The following WWOX variants were observed in gnomAD, a reference collection of about 807,000 sequenced individuals.
WWOX encodes the protein WW domain containing oxidoreductase.
A neutral mutation model predicts 46.2 loss-of-function variants in WWOX; 69 were observed. The observed-to-expected ratio is 1.49, with a 90% CI of 1.23 to 1.82. The LOEUF (loss-of-function observed/expected upper bound fraction) is 1.82, where lower values mean the gene tolerates loss of function less well. WWOX is among the 40% of genes most tolerant of loss of function. The pLI is 0.00. For synonymous variants in WWOX, 359 were observed against 202.6 expected (o/e 1.77, Z -6.56); for missense variants, 919 against 542.6 (o/e 1.69, Z -6.89).
intron 8 of WWOX, among the ~76,000 whole-genome samples, chr16:79,137,415 T>C (rs182503693): frequency 1.6e-3 from 241 of 152,302 alleles, no homozygotes; most frequent in African/African-American, 5.6e-3. Flanking sequence ...AACTTGGAGA[T>C]GTAAGCATTT....
At chr16:78,188,530 G>A (rs1037367623) in intron 5 of WWOX, among the ~76,000 whole-genome samples, 2 of 151,760 alleles carry the variant, frequency 1.3e-5, no homozygotes, top group Non-Finnish European at 2.9e-5. Flanking sequence ...CCTCAGTTGG[G>A]AAAAAATAAA....
At chr16:78,625,979 G>A (rs951847452) in intron 8 of WWOX, among the ~76,000 whole-genome samples, 4 of 150,898 alleles carry the variant, frequency 2.7e-5, no homozygotes, top group African/African-American at 9.7e-5. Context: ...AAAAGTAATG[G>A]CACCAACCTA....
chr16:78,976,834 A>T (rs139136660), intron 8 of WWOX, among the ~76,000 whole-genome samples: 1 of 152,222 alleles, frequency 6.6e-6, no homozygotes, highest in Admixed American at 6.5e-5. Flanking sequence ...TGCCTGGTTC[A>T]GTTGCAAACA....
At chr16:78,772,699 C>T (rs1490271985) in intron 8 of WWOX, among the ~76,000 whole-genome samples, 1 of 152,126 alleles carries the variant, frequency 6.6e-6, no homozygotes, top group Non-Finnish European at 1.5e-5. Context: ...GCTCATTCCA[C>T]AGGAGGGGAA....
Position 78,578,440 on chromosome 16 carries a change from C to T in WWOX, c.1056+145688C>T, listed in dbSNP as rs370278243. On this transcript the variant is annotated intron_variant, in intron 8 of 8. Transcript: ENST00000566780. ...GAGTAGCTGGCACTATAGGCGCCCA[C>T]CACCATGCCTGGCTAATTTTATGTA... 6.4e-4 allele frequency among the ~76,000 whole-genome samples: 96 copies of T among 150,748 alleles called. No homozygotes were observed. The South Asian group carries it at 9.5e-3, about 15-fold the overall frequency.
chr16:78,656,649 C>T (rs1004239265), intron 8 of WWOX, among the ~76,000 whole-genome samples: 1 of 152,162 alleles, frequency 6.6e-6, no homozygotes, highest in Non-Finnish European at 1.5e-5. Flanking sequence ...CCGGGCCCCT[C>T]CTCCAACATT....
At chr16:78,180,609 G>C (rs2035501367) in intron 5 of WWOX, among the ~76,000 whole-genome samples, 1 of 151,850 alleles carries the variant, frequency 6.6e-6, no homozygotes, top group South Asian at 2.1e-4. Flanking sequence ...GGTAAATCCA[G>C]TTGCACCTGG....
chr16:78,575,199 GA>G (rs2151579990), intron 8 of WWOX, among the ~76,000 whole-genome samples: 1 of 140,798 alleles, frequency 7.1e-6, no homozygotes, highest in African/African-American at 2.6e-5. Flanking sequence ...GCTGGGATGA[GA>G]AACCATCTCT....
At chr16:79,211,357 C>G (rs907849100) in intron 8 of WWOX, among the ~76,000 whole-genome samples, 1 of 152,126 alleles carries the variant, frequency 6.6e-6, no homozygotes, top group African/African-American at 2.4e-5. Context: ...ATTTTCCAAG[C>G]CTGTCCCTGT....
At position 78,968,105 on chromosome 16, in the gene WWOX, G is replaced by A. The variant is rs147497985; in HGVS notation, c.1057-243503G>A. The stretch of plus-strand genomic sequence containing the variant: ...CAGTGCATGGTCCGCATGGCACAGC[G>A]CGTGGTCCGCGTGGCACAGCGCGTG... On this transcript the variant is annotated intron_variant, in intron 8 of 8. Coordinates refer to ENST00000566780, the MANE Select transcript of WWOX (RefSeq NM_016373.4). 7.0e-3 allele frequency among the ~76,000 whole-genome samples: 927 copies of A among 131,712 alleles called. 10 individuals carry two copies. The highest frequency in any genetic ancestry group is 0.021 in the African/African-American group (728 of 34,148). The allele number at this position is 131,712 out of a possible 152,430, so 86.4% of individuals were successfully genotyped here.
chr16:79,057,263 A>G (rs1015235470), intron 8 of WWOX, among the ~76,000 whole-genome samples: 3 of 152,158 alleles, frequency 2.0e-5, no homozygotes, highest in African/African-American at 7.2e-5. Flanking sequence ...TGGCAAACTT[A>G]TGTTTATTCC....
At chr16:78,491,887 T>G (rs1048707251) in intron 8 of WWOX, among the ~76,000 whole-genome samples, 4 of 152,198 alleles carry the variant, frequency 2.6e-5, no homozygotes, top group African/African-American at 9.7e-5. Flanking sequence ...TCCCTTGCCT[T>G]CTACTCCTCT....
chr16:78,638,296 C>T (rs957954867), intron 8 of WWOX, among the ~76,000 whole-genome samples: 3 of 152,294 alleles, frequency 2.0e-5, no homozygotes, highest in Non-Finnish European at 4.4e-5. Flanking sequence ...GATCTGAACC[C>T]AAGACATAGG....
At chr16:79,151,733 G>A (rs2050283328) in intron 8 of WWOX, among the ~76,000 whole-genome samples, 1 of 152,170 alleles carries the variant, frequency 6.6e-6, no homozygotes. Context: ...CGAACGGCCT[G>A]CCAGGGTGCC....
chr16:78,575,811 A>T (rs1173465755), intron 8 of WWOX, among the ~76,000 whole-genome samples: 2 of 152,188 alleles, frequency 1.3e-5, no homozygotes, highest in Non-Finnish European at 2.9e-5. Context: ...GCCTGTCTAT[A>T]CTTTCAGATG....
At chr16:79,139,526 C>G (rs537488984) in intron 8 of WWOX, among the ~76,000 whole-genome samples, 1 of 152,192 alleles carries the variant, frequency 6.6e-6, no homozygotes, top group Middle Eastern at 3.2e-3. Context: ...GATGTCCAAA[C>G]ACGATGTCTT....
chr16:79,163,319 C>T (rs183228358), intron 8 of WWOX, among the ~76,000 whole-genome samples: 2 of 152,256 alleles, frequency 1.3e-5, no homozygotes, highest in African/African-American at 4.8e-5. Context: ...CGTGGTGGAG[C>T]TATGTACTAA....
At chr16:78,809,688 G>A (rs1415048909) in intron 8 of WWOX, among the ~76,000 whole-genome samples, 2 of 152,174 alleles carry the variant, frequency 1.3e-5, no homozygotes, top group African/African-American at 2.4e-5. Flanking sequence ...AAGAGGACTG[G>A]GAGTGTGAAT....
At chr16:78,899,788 C>G (rs527585582) in intron 8 of WWOX, 1 of 152,168 alleles carries the variant, frequency 6.6e-6, no homozygotes, top group African/African-American at 2.4e-5. Context: ...AGACGAAAAT[C>G]TTTTATATTT....
Sources: allele counts gnomAD v4.1 joint callset (sites outside exome capture counted in the v4.1 genomes callset), GRCh38; gene constraint gnomAD v4.1.1; transcripts MANE v1.5; gene names NCBI Gene and HGNC (gene_info 2026-07-23, HGNC 2026-07-21).